The following RCAN2 variants were observed in gnomAD, a reference collection of about 807,000 sequenced individuals.
RCAN2 encodes calcipressin-2.
In RCAN2, 9 loss-of-function variants were observed where a neutral mutation model predicts 23.6. The observed-to-expected ratio is 0.38, with a 90% CI of 0.23 to 0.67. The LOEUF is 0.67. RCAN2 is among the 30% of genes least tolerant of loss of function. RCAN2 has a pLI of 0.51. For missense variants in RCAN2, 273 were observed against 302.3 expected (o/e 0.90, Z 0.72); for synonymous variants, 109 against 115.7 (o/e 0.94, Z 0.37).
intron 2 of RCAN2, among the ~76,000 whole-genome samples, chr6:46,406,964 C>T (rs1226601091): frequency 6.6e-6 from 1 of 152,184 alleles, no homozygotes; most frequent in East Asian, 1.9e-4. Context: ...CTGGTCCCTC[C>T]AGACCTTTCC....
intron 1 of RCAN2, among the ~76,000 whole-genome samples, chr6:46,479,389 A>C (rs900770772): frequency 1.3e-5 from 2 of 152,210 alleles, no homozygotes; most frequent in Non-Finnish European, 2.9e-5. Flanking sequence ...GCCAACTAAA[A>C]GTTTTAACCA....
intron 1 of RCAN2, among the ~76,000 whole-genome samples, chr6:46,471,479 G>A (rs988792841): frequency 2.0e-5 from 3 of 152,172 alleles, no homozygotes; most frequent in African/African-American, 7.2e-5. Context: ...GAAGATTGAA[G>A]AGTAATACCA....
intron 2 of RCAN2, among the ~76,000 whole-genome samples, chr6:46,347,164 C>G (rs942085105): frequency 1.3e-5 from 2 of 152,158 alleles, no homozygotes; most frequent in African/African-American, 4.8e-5. Context: ...CATGATCCAC[C>G]GCGCCTGGCC....
intron 1 of RCAN2, among the ~76,000 whole-genome samples, chr6:46,477,294 A>C (rs1768742067): frequency 6.6e-6 from 1 of 152,220 alleles, no homozygotes; most frequent in Non-Finnish European, 1.5e-5. Context: ...GAGCTGATCC[A>C]TTTTTAGGAT....
chr6:46,372,607 A>G (rs1765352198), intron 2 of RCAN2, among the ~76,000 whole-genome samples: 1 of 152,244 alleles, frequency 6.6e-6, no homozygotes, highest in African/African-American at 2.4e-5. Flanking sequence ...GGTGACACAC[A>G]TTATATAAAT....
intron 2 of RCAN2, among the ~76,000 whole-genome samples, chr6:46,278,654 A>G (rs1052165304): frequency 6.6e-6 from 1 of 152,204 alleles, no homozygotes; most frequent in Non-Finnish European, 1.5e-5. Context: ...TTGAACAATT[A>G]TCATCTCTCT....
rs75605148 is a variant in RCAN2 at position 46,366,531 on chromosome 6, G to A, written c.225+90221C>T. On this transcript the variant is annotated intron_variant, in intron 2 of 4. Coordinates refer to ENST00000371374, the MANE Select transcript of RCAN2 (RefSeq NM_001251974.2). The stretch of plus-strand genomic sequence containing the variant: ...ACTTTTCAATTAGGCCTTGATTTTC[G>A]GACTTTCATGTTCTTCTCTGCATTG... Among the ~76,000 whole-genome samples, 808 of 152,028 alleles carry A rather than the reference G, an allele frequency of 5.3e-3. 9 individuals carry two copies. The highest frequency in any genetic ancestry group is 0.018 in the African/African-American group (734 of 41,444).
At chr6:46,282,675 T>C (rs969224713) in intron 2 of RCAN2, among the ~76,000 whole-genome samples, 19 of 152,202 alleles carry the variant, frequency 1.2e-4, no homozygotes, top group African/African-American at 4.6e-4. Flanking sequence ...GAGGAGACGT[T>C]CATCTTTATG....
chr6:46,298,442 C>T (rs971636638), intron 2 of RCAN2, among the ~76,000 whole-genome samples: 2 of 152,026 alleles, frequency 1.3e-5, no homozygotes, highest in African/African-American at 4.8e-5. Flanking sequence ...TTAGGCTTAT[C>T]CCAATTTATG....
chr6:46,246,186 C>T (rs901970691), intron 4 of RCAN2, among the ~76,000 whole-genome samples: 12 of 152,098 alleles, frequency 7.9e-5, no homozygotes, highest in African/African-American at 2.2e-4. Flanking sequence ...TGCTATACTG[C>T]GTGAGAATGA....
chr6:46,345,610 A>G (rs1269219674), intron 2 of RCAN2, among the ~76,000 whole-genome samples: 1 of 152,176 alleles, frequency 6.6e-6, no homozygotes, highest in African/African-American at 2.4e-5. Context: ...CCCTTTTAGG[A>G]AGTCCACAAG....
intron 2 of RCAN2, among the ~76,000 whole-genome samples, chr6:46,261,323 G>A (rs913423323): frequency 1.3e-5 from 2 of 152,202 alleles, no homozygotes; most frequent in African/African-American, 4.8e-5. Flanking sequence ...TAGTTTAAAT[G>A]CTGGTCCCAG....
intron 2 of RCAN2, among the ~76,000 whole-genome samples, chr6:46,364,147 C>T (rs1378006229): frequency 1.6e-4 from 24 of 152,180 alleles, no homozygotes; most frequent in Admixed American, 1.6e-3. Flanking sequence ...TTTCAAAGTG[C>T]TTCCCAATTC....
At chr6:46,344,102 A>G (rs182712042) in intron 2 of RCAN2, among the ~76,000 whole-genome samples, 26 of 152,356 alleles carry the variant, frequency 1.7e-4, no homozygotes, top group Admixed American at 4.6e-4. Flanking sequence ...TTTCTGGAAG[A>G]TAGAACTATT....
chr6:46,447,456 A>G (rs925381588), intron 2 of RCAN2, among the ~76,000 whole-genome samples: 1 of 151,966 alleles, frequency 6.6e-6, no homozygotes, highest in Non-Finnish European at 1.5e-5. Flanking sequence ...AATATCAATA[A>G]GGAAACATCA....
At chr6:46,268,141 A>G (rs1767401022) in intron 2 of RCAN2, among the ~76,000 whole-genome samples, 1 of 152,232 alleles carries the variant, frequency 6.6e-6, no homozygotes, top group South Asian at 2.1e-4. Context: ...TTGCTGTTTC[A>G]GAAAACACCA....
At chr6:46,288,061 A>G (rs1450609995) in intron 2 of RCAN2, among the ~76,000 whole-genome samples, 2 of 152,170 alleles carry the variant, frequency 1.3e-5, no homozygotes, top group Non-Finnish European at 2.9e-5. Context: ...CAATGAATAT[A>G]TTCCTGAGCG....
intron 2 of RCAN2, among the ~76,000 whole-genome samples, chr6:46,404,152 G>T (rs1766335127): frequency 6.6e-6 from 1 of 152,160 alleles, no homozygotes; most frequent in Non-Finnish European, 1.5e-5. Context: ...AACCTGGGAG[G>T]CTGAGGTTGC....
chr6:46,258,477 A>C (rs761733432), intron 2 of RCAN2, among the ~76,000 whole-genome samples: 1 of 152,244 alleles, frequency 6.6e-6, no homozygotes, highest in Non-Finnish European at 1.5e-5. Flanking sequence ...GCAGACAGAC[A>C]TTGTGTCATA....
Sources: gnomAD v4.1 joint callset for allele counts (sites outside exome capture counted in the v4.1 genomes callset) on GRCh38, gnomAD v4.1.1 for gene constraint, MANE v1.5 for transcripts, NCBI Gene and HGNC (gene_info 2026-07-23, HGNC 2026-07-21) for gene names.